Variants in ARHGAP24 observed in about 807,000 individuals in gnomAD.
The protein encoded by ARHGAP24 is rho GTPase-activating protein 24.
In ARHGAP24, 50 loss-of-function variants were observed where a neutral mutation model predicts 76.4. The ratio of observed to expected loss-of-function variants is 0.65; its 90% CI spans 0.52 to 0.83. ARHGAP24 has a LOEUF of 0.83. Among genes scored for constraint, ARHGAP24 ranks in the 40% least tolerant of loss-of-function variants. The pLI, the probability that ARHGAP24 is intolerant of heterozygous loss-of-function variation, is 0.00. For missense variants in ARHGAP24, 930 were observed against 914.2 expected (o/e 1.02, Z -0.22); for synonymous variants, 345 against 323.3 (o/e 1.07, Z -0.72).
At chr4:85,642,311 C>A (rs1372044139) in intron 2 of ARHGAP24, among the ~76,000 whole-genome samples, 1 of 152,108 alleles carries the variant, frequency 6.6e-6, no homozygotes. Flanking sequence ...AACCAATAGG[C>A]AGATACATAA....
intron 8 of ARHGAP24, chr4:85,990,763 C>CA (rs1740274149): frequency 6.6e-6 from 1 of 151,634 alleles, no homozygotes; most frequent in Non-Finnish European, 1.5e-5. Context: ...ACATCACATA[C>CA]AAAAAACTTA....
intron 3 of ARHGAP24, among the ~76,000 whole-genome samples, chr4:85,828,520 T>C (rs1432828468): frequency 1.3e-5 from 2 of 151,700 alleles, no homozygotes. Flanking sequence ...TGTGTGTTTT[T>C]TTTTTTTTAA....
chr4:85,649,497 C>T (rs749004715), intron 2 of ARHGAP24, among the ~76,000 whole-genome samples: 4 of 152,088 alleles, frequency 2.6e-5, no homozygotes, highest in Admixed American at 6.6e-5. Context: ...CCTTCATTAA[C>T]GGCTTGATAT....
intron 3 of ARHGAP24, among the ~76,000 whole-genome samples, chr4:85,895,800 T>C (rs377543859): frequency 1.7e-4 from 26 of 152,280 alleles, no homozygotes; most frequent in African/African-American, 4.8e-4. Flanking sequence ...TTCAGTGCTA[T>C]TAGTGTTAGA....
intron 2 of ARHGAP24, among the ~76,000 whole-genome samples, chr4:85,587,547 T>C: frequency 6.6e-6 from 1 of 152,230 alleles, no homozygotes; most frequent in Non-Finnish European, 1.5e-5. Context: ...GGGGCTTATG[T>C]TGATATATTA....
At chr4:85,615,777 A>C (rs1416920120) in intron 2 of ARHGAP24, among the ~76,000 whole-genome samples, 3 of 152,244 alleles carry the variant, frequency 2.0e-5, no homozygotes, top group African/African-American at 7.2e-5. Flanking sequence ...GGATAAGTGG[A>C]AATCTTAGTT....
intron 1 of ARHGAP24, among the ~76,000 whole-genome samples, chr4:85,537,455 G>C (rs768283516): frequency 1.3e-4 from 20 of 152,086 alleles, no homozygotes; most frequent in African/African-American, 4.8e-4. Context: ...AGGAATGTTA[G>C]CAAAAACAAT....
At chr4:85,536,252 C>T (rs1395158967) in intron 1 of ARHGAP24, among the ~76,000 whole-genome samples, 1 of 152,070 alleles carries the variant, frequency 6.6e-6, no homozygotes, top group African/African-American at 2.4e-5. Context: ...TGGCAAGTGC[C>T]ACAAAAGAGA....
chr4:85,972,006 A>G, intron 5 of ARHGAP24, 30 bp from the exon 6 acceptor site: 3 of 1,613,922 alleles, frequency 1.9e-6, no homozygotes, highest in Non-Finnish European at 2.5e-6. Context: ...GTTTACTCCA[A>G]AGAATATCTT....
chr4:85,601,078 TTTGA>T (rs1489568406), intron 2 of ARHGAP24, among the ~76,000 whole-genome samples: 2 of 152,210 alleles, frequency 1.3e-5, no homozygotes, highest in Admixed American at 1.3e-4. Flanking sequence ...TTTATTCATT[TTTGA>T]TTAATTATTC....
intron 3 of ARHGAP24, among the ~76,000 whole-genome samples, chr4:85,907,393 A>G (rs1578372690): frequency 6.6e-6 from 1 of 152,210 alleles, no homozygotes; most frequent in East Asian, 1.9e-4. Context: ...AGACATATCC[A>G]CAGGAAAAGA....
Position 85,935,339 on chromosome 4 carries a change from T to C in ARHGAP24, c.392-6727T>C, listed in dbSNP as rs770128169. Among the ~76,000 whole-genome samples, 204 of 152,332 alleles carry C rather than the reference T, an allele frequency of 1.3e-3. 1 individual carries two copies. The highest frequency in any genetic ancestry group is 2.6e-3 in the Non-Finnish European group (175 of 68,034). ...CTTGGAATAACGAAACATAAATAAG[T>C]ACTTTGTGATAAGCACCACACCAAA... On this transcript the variant is annotated intron_variant, in intron 4 of 9. Coordinates refer to ENST00000395184, the MANE Select transcript of ARHGAP24 (RefSeq NM_001025616.3).
intron 3 of ARHGAP24, among the ~76,000 whole-genome samples, chr4:85,917,558 A>G (rs1323664690): frequency 6.6e-6 from 1 of 152,108 alleles, no homozygotes; most frequent in African/African-American, 2.4e-5. Flanking sequence ...ATTTCTCCAC[A>G]TCCTCTCCAA....
intron 2 of ARHGAP24, among the ~76,000 whole-genome samples, chr4:85,608,765 G>A (rs531759877): frequency 6.6e-6 from 1 of 151,912 alleles, no homozygotes; most frequent in Non-Finnish European, 1.5e-5. Context: ...TCACCATGTT[G>A]GCCAGACTGG....
intron 3 of ARHGAP24, 135 bp downstream of exon 3, chr4:85,722,107 G>A: frequency 1.3e-6 from 1 of 759,058 alleles, no homozygotes; most frequent in Non-Finnish European, 2.2e-6. Flanking sequence ...TGTTGACGCA[G>A]ATAATGACTG....
chr4:85,988,966 T>A (rs1369461272), intron 8 of ARHGAP24, among the ~76,000 whole-genome samples: 1 of 151,638 alleles, frequency 6.6e-6, no homozygotes, highest in Non-Finnish European at 1.5e-5. Context: ...TTTAATTATC[T>A]AAGTTTCCTT....
intron 2 of ARHGAP24, among the ~76,000 whole-genome samples, chr4:85,638,567 C>A (rs550320747): frequency 2.6e-5 from 4 of 152,220 alleles, no homozygotes; most frequent in African/African-American, 9.6e-5. Context: ...TATATTCTTG[C>A]CTTTTTTCCT....
At chr4:85,610,326 C>G (rs1720337692) in intron 2 of ARHGAP24, among the ~76,000 whole-genome samples, 1 of 151,440 alleles carries the variant, frequency 6.6e-6, no homozygotes, top group Admixed American at 6.6e-5. Context: ...CACCTGTAGT[C>G]CCAGCTACTT....
chr4:85,826,528 T>G (rs1373752999), intron 3 of ARHGAP24, among the ~76,000 whole-genome samples: 1 of 152,192 alleles, frequency 6.6e-6, no homozygotes, highest in Non-Finnish European at 1.5e-5. Context: ...ATAGCCCACT[T>G]GAAACAAGCA....
Sources: gnomAD v4.1 joint callset for allele counts (sites outside exome capture counted in the v4.1 genomes callset) on GRCh38, gnomAD v4.1.1 for gene constraint, MANE v1.5 for transcripts, NCBI Gene and HGNC (gene_info 2026-07-23, HGNC 2026-07-21) for gene names.